ZBTB16: variants seen among roughly 807,000 people sequenced by gnomAD.
The protein encoded by ZBTB16 is zinc finger and BTB domain containing 16, also known as zinc finger and BTB domain-containing protein 16.
In ZBTB16, 8 loss-of-function variants were observed where a neutral mutation model predicts 56.8. The ratio of observed to expected loss-of-function variants is 0.14; its 90% CI spans 0.08 to 0.25. The LOEUF is 0.25. Ranked by LOEUF, ZBTB16 falls within the 10% of genes least tolerant of loss-of-function variation. The pLI is 1.00. For missense variants in ZBTB16, 625 were observed against 903.0 expected, an observed-to-expected ratio of 0.69 and a Z score of 3.95; for synonymous variants, 363 against 368.5, an observed-to-expected ratio of 0.98 and a Z score of 0.17.
chr11:114,182,439 C>G (rs1431971984), intron 3 of ZBTB16, among the ~76,000 whole-genome samples: 1 of 152,306 alleles, frequency 6.6e-6, no homozygotes, highest in Admixed American at 6.5e-5. Flanking sequence ...GCCCTCCCAT[C>G]TTGAACATAA....
chr11:114,123,334 A>G (rs1408183150), intron 2 of ZBTB16, among the ~76,000 whole-genome samples: 1 of 152,178 alleles, frequency 6.6e-6, no homozygotes, highest in African/African-American at 2.4e-5. Flanking sequence ...GAAGGAGACC[A>G]GTGCAGATGA....
intron 6 of ZBTB16, among the ~76,000 whole-genome samples, chr11:114,247,753 A>AG (rs1654718654): frequency 6.6e-6 from 1 of 152,224 alleles, no homozygotes; most frequent in Non-Finnish European, 1.5e-5. Context: ...CTCAAGGGTT[A>AG]GAGTAAGAAT....
chr11:114,176,266 G>T (rs570655458), intron 3 of ZBTB16, among the ~76,000 whole-genome samples: 2 of 152,120 alleles, frequency 1.3e-5, no homozygotes, highest in East Asian at 3.9e-4. Flanking sequence ...TAGGAGTTGC[G>T]GAGATGTCCC....
At chr11:114,066,953 G>A (rs1939142492) in intron 2 of ZBTB16, among the ~76,000 whole-genome samples, 1 of 151,794 alleles carries the variant, frequency 6.6e-6, no homozygotes, top group Admixed American at 6.6e-5. Flanking sequence ...TGTATTTTTA[G>A]TAGAGACAGG....
chr11:114,126,599 T>C (rs954866197), intron 2 of ZBTB16, among the ~76,000 whole-genome samples: 1 of 152,108 alleles, frequency 6.6e-6, no homozygotes, highest in Non-Finnish European at 1.5e-5. Flanking sequence ...TCATCAAGAA[T>C]GGGGTTAGGG....
chr11:114,219,397 A>C (rs965927223), intron 4 of ZBTB16, among the ~76,000 whole-genome samples: 1 of 152,184 alleles, frequency 6.6e-6, no homozygotes, highest in Non-Finnish European at 1.5e-5. Flanking sequence ...CAAGTGTGTG[A>C]TGCTGGATTA....
chr11:114,239,650 G>A (rs561487336), intron 4 of ZBTB16, among the ~76,000 whole-genome samples: 7 of 152,268 alleles, frequency 4.6e-5, no homozygotes, highest in Non-Finnish European at 1.0e-4. Context: ...AGAGACCTTG[G>A]TGGCTCCCAG....
At chr11:114,070,971 C>A (rs1939324656) in intron 2 of ZBTB16, among the ~76,000 whole-genome samples, 1 of 152,160 alleles carries the variant, frequency 6.6e-6, no homozygotes, top group South Asian at 2.1e-4. Flanking sequence ...GTGGTGAGGC[C>A]AGGTCTAGAC....
intron 4 of ZBTB16, among the ~76,000 whole-genome samples, chr11:114,214,914 C>T (rs781513020): frequency 2.0e-5 from 3 of 151,350 alleles, no homozygotes; most frequent in Admixed American, 1.3e-4. Context: ...AAAAGGCAGA[C>T]GTGAGTGATG....
At chr11:114,082,261 C>T (rs1051001467) in intron 2 of ZBTB16, among the ~76,000 whole-genome samples, 4 of 151,976 alleles carry the variant, frequency 2.6e-5, no homozygotes, top group Admixed American at 2.0e-4. Flanking sequence ...GCCTGGGCAA[C>T]AAAGTGAGAC....
At chr11:114,139,387 G>A (rs964739011) in intron 2 of ZBTB16, among the ~76,000 whole-genome samples, 13 of 152,048 alleles carry the variant, frequency 8.5e-5, no homozygotes, top group African/African-American at 2.4e-4. Context: ...TTCACTCTCC[G>A]GCTTCGCCAG....
chr11:114,187,561 C>T (rs189102274), intron 4 of ZBTB16: 265 of 183,442 alleles, frequency 1.4e-3, no homozygotes, highest in African/African-American at 5.0e-3. Flanking sequence ...TTGATTTCAC[C>T]GCACCAAAGT....
At chr11:114,175,691 G>C (rs1174553989) in intron 3 of ZBTB16, among the ~76,000 whole-genome samples, 2 of 152,134 alleles carry the variant, frequency 1.3e-5, no homozygotes, top group Non-Finnish European at 2.9e-5. Flanking sequence ...ATTCTCTTCA[G>C]TCAGTGGGAA....
rs1664595889 is a variant in ZBTB16, at chr11:114,060,992, A to T, written c.-91+1110A>T. Among the ~76,000 whole-genome samples, 1 of 152,092 alleles carries T rather than the reference A, an allele frequency of 6.6e-6. No individual in the cohort carries two copies. Among genetic ancestry groups the T allele is most frequent in the African/African-American group, 2.4e-5 (1 of 41,416 alleles). On this transcript the variant is annotated intron_variant, in intron 1 of 6. Coordinates refer to ENST00000335953, the MANE Select transcript of ZBTB16 (RefSeq NM_006006.6). The surrounding 1 kb of genome is among the most constrained non-coding windows in gnomAD (Gnocchi z 6.0). ...CCCTGCCGCTCTCGCCGCGGAGTCC[A>T]GCCCGCCCGGACTGTCGCCGTTCCT...
At chr11:114,076,593 A>T (rs1489787657) in intron 2 of ZBTB16, among the ~76,000 whole-genome samples, 1 of 152,188 alleles carries the variant, frequency 6.6e-6, no homozygotes, top group African/African-American at 2.4e-5. Flanking sequence ...GGATCCGCTA[A>T]CATTTGTGAG....
At position 114,255,722 on chromosome 11, in the gene ZBTB16, AAAAAAAAAAAAGG is replaced by A. The variant is rs1289938413; in HGVS notation, c.*5177_*5189del. On this transcript the variant is annotated 3_prime_UTR_variant, in exon 7 of 7. Coordinates refer to ENST00000335953, the MANE Select transcript of ZBTB16 (RefSeq NM_006006.6). ...TTCAGTGTTTCTGACAAGATTTAAA[AAAAAAAAAAAAGG>A]AAAAAAAAAGAAAAAATGAATTTAC... 6.7e-6 allele frequency among the ~76,000 whole-genome samples: 1 copy of A among 148,520 alleles called. No homozygotes were observed. The highest frequency in any genetic ancestry group is 1.5e-5 in the Non-Finnish European group (1 of 66,764).
intron 2 of ZBTB16, among the ~76,000 whole-genome samples, chr11:114,146,255 A>G (rs1942097833): frequency 1.3e-5 from 2 of 151,264 alleles, no homozygotes; most frequent in African/African-American, 4.9e-5. Context: ...CTTCTATTCA[A>G]TTAGATGGAG....
chr11:114,233,119 ACACACACTCT>A (rs748074283), intron 4 of ZBTB16, among the ~76,000 whole-genome samples: 3,621 of 61,666 alleles, frequency 0.059, 144 homozygotes, highest in Middle Eastern at 0.12. Context: ...ACACACACAC[ACACACACTCT>A]CTCTCTCTCA....
rs10695166 is a variant in ZBTB16, at chr11:114,088,140, C to CTTTTT, written c.1268+23587_1268+23591dup. Among the ~76,000 whole-genome samples, 61 of 123,004 alleles carry CTTTTT rather than the reference C, an allele frequency of 5.0e-4. 4 individuals are homozygous for CTTTTT. Among genetic ancestry groups the CTTTTT allele is most frequent in the Non-Finnish European group, 6.7e-4 (41 of 60,970 alleles). 80.7% of individuals were successfully genotyped at this position (123,004 alleles called of 152,430 possible). ...GAGGTATAGATAAAGCCAGATACTT[C>CTTTTT]TTTTTTTTTTTTTTTTTTTGATACA... On this transcript the variant is annotated intron_variant, in intron 2 of 6. Transcript: ENST00000335953.
Sources: allele counts gnomAD v4.1 joint callset (sites outside exome capture counted in the v4.1 genomes callset), GRCh38; gene constraint gnomAD v4.1.1; non-coding constraint Gnocchi (gnomAD v3.1); transcripts MANE v1.5; gene names NCBI Gene and HGNC (gene_info 2026-07-23, HGNC 2026-07-21).